PRKN: variants seen among roughly 807,000 people sequenced by gnomAD.
PRKN encodes E3 ubiquitin-protein ligase parkin.
PRKN carries 56 observed loss-of-function variants against 59.5 expected under a neutral mutation model. The observed-to-expected ratio is 0.94, with a 90% CI of 0.76 to 1.18. The LOEUF (loss-of-function observed/expected upper bound fraction) is 1.18, where lower values mean the gene tolerates loss of function less well. PRKN is among the 50% of genes most tolerant of loss of function. The pLI is 0.00. For missense variants in PRKN, 657 were observed against 596.4 expected (o/e 1.10, Z -1.06); for synonymous variants, 250 against 222.1 (o/e 1.13, Z -1.12).
At chr6:161,847,177 G>A (rs576290900) in intron 6 of PRKN, among the ~76,000 whole-genome samples, 80 of 152,176 alleles carry the variant, frequency 5.3e-4, no homozygotes, top group Admixed American at 1.3e-3. Flanking sequence ...GTGTGGTGGC[G>A]GGTGCCTGTA....
chr6:162,626,364 T>C (rs1019990527), intron 1 of PRKN, among the ~76,000 whole-genome samples: 1 of 152,198 alleles, frequency 6.6e-6, no homozygotes, highest in Non-Finnish European at 1.5e-5. Flanking sequence ...ATACTTGCAC[T>C]TCCAAAAAGC....
chr6:162,581,354 T>C (rs1470873640), intron 1 of PRKN, among the ~76,000 whole-genome samples: 6 of 152,238 alleles, frequency 3.9e-5, no homozygotes, highest in South Asian at 2.1e-4. Flanking sequence ...GAAATGAATA[T>C]TAAATTCCTA....
chr6:162,538,900 A>C (rs1486240578), intron 1 of PRKN, among the ~76,000 whole-genome samples: 2 of 152,332 alleles, frequency 1.3e-5, no homozygotes, highest in South Asian at 2.1e-4. Context: ...ACTGATAAAA[A>C]GCACATGACA....
chr6:162,453,161 TCC>T (rs1043000257), intron 1 of PRKN, among the ~76,000 whole-genome samples: 7 of 152,044 alleles, frequency 4.6e-5, no homozygotes, highest in African/African-American at 1.7e-4. Flanking sequence ...ACTTCCAGGT[TCC>T]CCGGCTGGAA....
intron 9 of PRKN, among the ~76,000 whole-genome samples, chr6:161,430,994 C>T (rs1422103174): frequency 1.3e-5 from 2 of 151,556 alleles, no homozygotes; most frequent in Non-Finnish European, 2.9e-5. Context: ...AAAAAATTAG[C>T]ACGGCACAGT....
chr6:161,840,520 G>T (rs1469859993), intron 6 of PRKN, among the ~76,000 whole-genome samples: 3 of 152,182 alleles, frequency 2.0e-5, no homozygotes, highest in Non-Finnish European at 4.4e-5. Flanking sequence ...GGTCATGGGG[G>T]TTTGTTGTAC....
At chr6:162,711,380 G>C (rs1444630023) in intron 1 of PRKN, among the ~76,000 whole-genome samples, 1 of 150,380 alleles carries the variant, frequency 6.6e-6, no homozygotes, top group Non-Finnish European at 1.5e-5. Flanking sequence ...ATTCTCTGAT[G>C]AGACCAACTG....
intron 2 of PRKN, among the ~76,000 whole-genome samples, chr6:162,391,607 G>T (rs901875999): frequency 2.0e-5 from 3 of 152,046 alleles, no homozygotes; most frequent in African/African-American, 7.2e-5. Flanking sequence ...CATCTGCAAT[G>T]ACTTCATCCT....
intron 1 of PRKN, among the ~76,000 whole-genome samples, chr6:162,499,072 G>C (rs1474982219): frequency 6.6e-6 from 1 of 152,132 alleles, no homozygotes; most frequent in Non-Finnish European, 1.5e-5. Context: ...TGTTGTCTCT[G>C]GGAGTAAGTC....
Position 161,354,946 on chromosome 6 carries a change from T to C in PRKN, c.1286-4735A>G, listed in dbSNP as rs1296624512. ...CATTTGACTCCTACAACTCCATCTTTGGAGGCTGCCAGCATGTTCTGAGTC... is the reference window on the plus strand; with the variant it reads ...CATTTGACTCCTACAACTCCATCTTCGGAGGCTGCCAGCATGTTCTGAGTC... On this transcript the variant is annotated intron_variant, in intron 11 of 11. Coordinates refer to ENST00000366898, the MANE Select transcript of PRKN (RefSeq NM_004562.3). This position sits in a 1 kb window ranked among gnomAD's most constrained non-coding sequence, Gnocchi z 6.7. Among the ~76,000 whole-genome samples the C allele has an allele frequency of 6.6e-6, 1 of 152,240 alleles. No individual in the cohort carries two copies. Among genetic ancestry groups the C allele is most frequent in the East Asian group, 1.9e-4 (1 of 5,192 alleles).
At chr6:161,759,586 C>G (rs186626974) in intron 7 of PRKN, among the ~76,000 whole-genome samples, 2 of 152,294 alleles carry the variant, frequency 1.3e-5, no homozygotes, top group East Asian at 3.9e-4. Flanking sequence ...GAGTGGCAGC[C>G]ATTTCCAACT....
intron 1 of PRKN, among the ~76,000 whole-genome samples, chr6:162,467,031 A>G (rs193256780): frequency 5.9e-4 from 90 of 152,322 alleles, no homozygotes; most frequent in Admixed American, 2.2e-3. Flanking sequence ...GAGCCCAACT[A>G]TTATGATTCC....
At chr6:161,898,005 A>G (rs1777722923) in intron 6 of PRKN, among the ~76,000 whole-genome samples, 1 of 149,902 alleles carries the variant, frequency 6.7e-6, no homozygotes, top group African/African-American at 2.5e-5. Flanking sequence ...TGCATAGAAA[A>G]GGTTTTTCTC....
chr6:162,139,381 T>C (rs1781684483), intron 4 of PRKN, among the ~76,000 whole-genome samples: 1 of 152,156 alleles, frequency 6.6e-6, no homozygotes, highest in Non-Finnish European at 1.5e-5. Flanking sequence ...AGCGGACAAC[T>C]GTGGAAATAT....
At chr6:161,394,701 C>T (rs557551590) in intron 9 of PRKN, among the ~76,000 whole-genome samples, 12 of 152,232 alleles carry the variant, frequency 7.9e-5, no homozygotes, top group Non-Finnish European at 2.9e-5. Flanking sequence ...ACTAGGGCCC[C>T]TCAGAGAAGA....
Position 161,445,390 on chromosome 6 carries a change from C to T in PRKN, c.1084-58513G>A, listed in dbSNP as rs561799038. ...TCAGTGGTGCCCCTGGCCACCGAGT[C>T]AAGCAGCGTAGATTGATCAGAGGAG... On this transcript the variant is annotated intron_variant, in intron 9 of 11. Coordinates refer to ENST00000366898, the MANE Select transcript of PRKN (RefSeq NM_004562.3). This position sits in a 1 kb window ranked among gnomAD's most constrained non-coding sequence, Gnocchi z 7.7. Among the ~76,000 whole-genome samples, 1 of 152,176 alleles carries T rather than the reference C, an allele frequency of 6.6e-6. No homozygotes were observed. Among genetic ancestry groups the T allele is most frequent in the Non-Finnish European group, 1.5e-5 (1 of 68,038 alleles).
At chr6:162,673,020 A>C (rs958301497) in intron 1 of PRKN, among the ~76,000 whole-genome samples, 6 of 152,206 alleles carry the variant, frequency 3.9e-5, no homozygotes, top group Non-Finnish European at 5.9e-5. Context: ...ATGGGAAACA[A>C]GTTTAATAGC....
At chr6:161,965,974 C>T (rs771163876) in intron 6 of PRKN, among the ~76,000 whole-genome samples, 38 of 151,836 alleles carry the variant, frequency 2.5e-4, no homozygotes, top group Non-Finnish European at 4.4e-4. Context: ...ATTGGGAGGG[C>T]CTGGAAGAAA....
chr6:161,500,370 G>C (rs760021043), intron 9 of PRKN, among the ~76,000 whole-genome samples: 2 of 152,126 alleles, frequency 1.3e-5, no homozygotes, highest in South Asian at 4.1e-4. Context: ...CTTCCTATGG[G>C]TTTGGACAAA....
Sources: gnomAD v4.1 joint callset for allele counts (sites outside exome capture counted in the v4.1 genomes callset) on GRCh38, gnomAD v4.1.1 for gene constraint, Gnocchi (gnomAD v3.1) non-coding constraint, MANE v1.5 for transcripts, NCBI Gene and HGNC (gene_info 2026-07-23, HGNC 2026-07-21) for gene names.